AFMID: variants seen among roughly 807,000 people sequenced by gnomAD.
AFMID encodes the protein arylformamidase, also known as kynurenine formamidase.
In AFMID, 39 loss-of-function variants were observed where a neutral mutation model predicts 47.5. The ratio of observed to expected loss-of-function variants is 0.82; its 90% CI spans 0.64 to 1.07. The LOEUF (loss-of-function observed/expected upper bound fraction) is 1.07. Among genes scored for constraint, AFMID ranks in the 50% least tolerant of loss-of-function variants. AFMID has a pLI of 0.00. For synonymous variants in AFMID, 130 were observed against 153.2 expected (o/e 0.85, Z 1.12); for missense variants, 375 against 387.5 (o/e 0.97, Z 0.27).
At chr17:78,197,070 G>A (rs1284316049) in intron 2 of AFMID, 2 of 1,292,642 alleles carry the variant, frequency 1.5e-6, no homozygotes, top group Non-Finnish European at 2.2e-6. Flanking sequence ...TGGTTTTAAT[G>A]GCCATTCCAC....
intron 4 of AFMID, chr17:78,203,210 GC>G (rs1454362798): frequency 6.3e-6 from 1 of 159,846 alleles, no homozygotes; most frequent in Non-Finnish European, 1.4e-5. Flanking sequence ...ACAGGTGCAC[GC>G]CACCACACCC....
At chr17:78,199,524 G>A (rs576716961) in intron 2 of AFMID, among the ~76,000 whole-genome samples, 19 of 152,078 alleles carry the variant, frequency 1.2e-4, no homozygotes, top group East Asian at 3.9e-4. Flanking sequence ...ACAGGTGTGC[G>A]CCACCACGCC....
intron 4 of AFMID, 113 bp downstream of exon 4, chr17:78,202,864 G>C: frequency 1.6e-6 from 2 of 1,286,650 alleles, no homozygotes; most frequent in South Asian, 1.3e-5. Context: ...CTCCTTGCAG[G>C]GCTGTGTCTC....
At chr17:78,202,233 G>A (rs2076261803) in intron 2 of AFMID, among the ~76,000 whole-genome samples, 1 of 149,742 alleles carries the variant, frequency 6.7e-6, no homozygotes, top group African/African-American at 2.4e-5. Flanking sequence ...GACCAGCCTG[G>A]CCAACAACCC....
chr17:78,205,247 G>A, intron 7 of AFMID, 57 bp downstream of exon 7: 2 of 1,547,386 alleles, frequency 1.3e-6, no homozygotes, highest in Non-Finnish European at 1.8e-6. Context: ...TGAGCCTTGG[G>A]GTTTGGGCCA....
chr17:78,191,092 G>C, intron 2 of AFMID, 32 bp downstream of exon 2: 1 of 1,583,678 alleles, frequency 6.3e-7, no homozygotes, highest in Non-Finnish European at 8.7e-7. Flanking sequence ...GGCCGCATTG[G>C]GTGTCCTTAA....
intron 2 of AFMID, among the ~76,000 whole-genome samples, chr17:78,196,264 C>G (rs2076111063): frequency 6.6e-6 from 1 of 152,046 alleles, no homozygotes; most frequent in East Asian, 1.9e-4. Context: ...ACTTGAGAGG[C>G]CAAGGCAAGA....
At chr17:78,187,570 C>A (rs999284972) in intron 1 of AFMID, 137 bp downstream of exon 1, 2 of 816,260 alleles carry the variant, frequency 2.5e-6, no homozygotes, top group Non-Finnish European at 4.0e-6. Flanking sequence ...CGTGCCAGGT[C>A]CCCAGTGCTT....
chr17:78,190,735 G>T (rs965287485), intron 1 of AFMID: 5 of 479,280 alleles, frequency 1.0e-5, no homozygotes, highest in Non-Finnish European at 1.9e-5. Context: ...GCCCATGATG[G>T]CATTAACTGA....
Position 78,206,996 on chromosome 17 carries a change from G to A in AFMID, c.*59G>A, listed in dbSNP as rs1264916015. 2 of 1,560,784 alleles carry A rather than the reference G, an allele frequency of 1.3e-6. No individual in the cohort carries two copies. The highest frequency in any genetic ancestry group is 1.8e-6 in the Non-Finnish European group (2 of 1,131,634). On this transcript the variant is annotated 3_prime_UTR_variant, in exon 11 of 11. Transcript: ENST00000409257. ...TCCCACCTTGGGAAGCCTCTCCAAA[G>A]AGCTTTCGGAGCTGACACTGACAGC...
At chr17:78,201,879 T>C (rs929680660) in intron 2 of AFMID, among the ~76,000 whole-genome samples, 13 of 151,644 alleles carry the variant, frequency 8.6e-5, no homozygotes, top group South Asian at 4.2e-4. Context: ...TACAGGCACC[T>C]GCCACCACGC....
At chr17:78,197,061 G>T in intron 2 of AFMID, 1 of 1,141,886 alleles carries the variant, frequency 8.8e-7, no homozygotes, top group Non-Finnish European at 1.3e-6. Flanking sequence ...ATAGCTGCTT[G>T]GTTTTAATGG....
chr17:78,197,378 A>G, intron 2 of AFMID: 2 of 625,354 alleles, frequency 3.2e-6, no homozygotes, highest in South Asian at 4.0e-5. Context: ...TGGATGTACA[A>G]AGCTATTCAC....
chr17:78,188,333 C>T (rs1362464205), intron 1 of AFMID, among the ~76,000 whole-genome samples: 1 of 152,170 alleles, frequency 6.6e-6, no homozygotes, highest in African/African-American at 2.4e-5. Context: ...CAAAGAGCTC[C>T]TTCACTGGGA....
At chr17:78,205,262 C>A in intron 7 of AFMID, 72 bp downstream of exon 7, 1 of 1,501,730 alleles carries the variant, frequency 6.7e-7, no homozygotes, top group Non-Finnish European at 9.2e-7. Context: ...GGGCCAACTG[C>A]TTGAAATCCT....
intron 2 of AFMID, chr17:78,197,400 T>C (rs540037246): frequency 1.8e-6 from 1 of 559,054 alleles, no homozygotes; most frequent in Non-Finnish European, 3.1e-6. Flanking sequence ...GCAGGGGTGT[T>C]TGTGGTAGCA....
At chr17:78,190,560 GT>G (rs746030087) in intron 1 of AFMID, among the ~76,000 whole-genome samples, 32 of 152,222 alleles carry the variant, frequency 2.1e-4, no homozygotes, top group Non-Finnish European at 3.8e-4. Context: ...CGCTCGGCTA[GT>G]TTTTGTTTTC....
intron 2 of AFMID, among the ~76,000 whole-genome samples, chr17:78,194,314 G>A (rs920507242): frequency 1.3e-5 from 2 of 152,036 alleles, no homozygotes; most frequent in South Asian, 4.2e-4. Flanking sequence ...TAGTAGAGGC[G>A]GGGTTTCACC....
chr17:78,192,158 C>G (rs1054643091), intron 2 of AFMID, among the ~76,000 whole-genome samples: 1 of 150,970 alleles, frequency 6.6e-6, no homozygotes, highest in African/African-American at 2.4e-5. Context: ...GCCACCACGC[C>G]CTGCTAAGTG....
Sources: allele counts gnomAD v4.1 joint callset (sites outside exome capture counted in the v4.1 genomes callset), GRCh38; gene constraint gnomAD v4.1.1; transcripts MANE v1.5; gene names NCBI Gene and HGNC (gene_info 2026-07-23, HGNC 2026-07-21).